Variants in FGF14 observed in about 807,000 individuals in gnomAD.
The protein encoded by FGF14 is fibroblast growth factor 14, also known as fibroblast growth factor homologous factor 4.
In FGF14, 5 loss-of-function variants were observed where a neutral mutation model predicts 25.5. The ratio of observed to expected loss-of-function variants is 0.20; its 90% CI spans 0.10 to 0.41. The LOEUF (loss-of-function observed/expected upper bound fraction) is 0.41. FGF14 is among the 10% of genes least tolerant of loss of function. The pLI is 1.00. For missense variants in FGF14, 222 were observed against 320.1 expected (o/e 0.69, Z 2.34); for synonymous variants, 138 against 118.3 (o/e 1.17, Z -1.08).
intron 3 of FGF14, among the ~76,000 whole-genome samples, chr13:101,790,908 C>T (rs758764711): frequency 4.6e-5 from 7 of 152,106 alleles, no homozygotes; most frequent in Admixed American, 2.0e-4. Context: ...CCAACTATAA[C>T]GTGAATTTGG....
At chr13:102,040,016 G>T (rs543679062) in intron 1 of FGF14, among the ~76,000 whole-genome samples, 1 of 152,132 alleles carries the variant, frequency 6.6e-6, no homozygotes, top group South Asian at 2.1e-4. Context: ...ACGTTCCAGG[G>T]CTCTAAAAGT....
At chr13:101,963,809 CAG>C (rs1436730808) in intron 1 of FGF14, among the ~76,000 whole-genome samples, 2 of 152,108 alleles carry the variant, frequency 1.3e-5, no homozygotes, top group Non-Finnish European at 2.9e-5. Flanking sequence ...ATGGGAGATA[CAG>C]AGACATTTCC....
At chr13:102,287,909 T>C (rs1333638989) in intron 1 of FGF14, among the ~76,000 whole-genome samples, 1 of 152,192 alleles carries the variant, frequency 6.6e-6, no homozygotes, top group Non-Finnish European at 1.5e-5. Context: ...TGGCACACAG[T>C]AGGCATTCAG....
intron 1 of FGF14, among the ~76,000 whole-genome samples, chr13:102,249,539 T>C (rs748972377): frequency 3.6e-5 from 5 of 137,892 alleles, no homozygotes; most frequent in Non-Finnish European, 6.3e-5. Context: ...TATGGTATGG[T>C]ACTGAGAGGG....
intron 1 of FGF14, among the ~76,000 whole-genome samples, chr13:102,154,128 A>G (rs113249005): frequency 6.6e-6 from 1 of 152,210 alleles, no homozygotes; most frequent in Non-Finnish European, 1.5e-5. Context: ...CCAATCTAGC[A>G]AGGCAGGCCA....
chr13:101,901,987 C>T (rs1192011475), intron 1 of FGF14, among the ~76,000 whole-genome samples: 1 of 152,098 alleles, frequency 6.6e-6, no homozygotes, highest in Non-Finnish European at 1.5e-5. Context: ...GATACCATCA[C>T]CACATCAAAG....
At chr13:101,876,555 C>A (rs979032805) in intron 1 of FGF14, among the ~76,000 whole-genome samples, 1 of 152,144 alleles carries the variant, frequency 6.6e-6, no homozygotes, top group African/African-American at 2.4e-5. Context: ...TGAGACGTGA[C>A]TCCATTGTAC....
chr13:101,967,737 A>G (rs2037306141), intron 1 of FGF14: 1 of 154,330 alleles, frequency 6.5e-6, no homozygotes, highest in African/African-American at 2.4e-5. Flanking sequence ...CAAATGCGTG[A>G]AAAGGGGGCA....
chr13:101,789,792 A>G (rs370685807), intron 3 of FGF14, among the ~76,000 whole-genome samples: 18 of 151,482 alleles, frequency 1.2e-4, no homozygotes, highest in Admixed American at 4.6e-4. Flanking sequence ...AAAAATTCCA[A>G]TAACATTTAT....
chr13:101,752,615 G>A (rs78386887), intron 3 of FGF14, among the ~76,000 whole-genome samples: 5,591 of 152,224 alleles, frequency 0.037, 275 homozygotes, highest in African/African-American at 0.11. Context: ...ATTGGCTTAC[G>A]CAGTGGAAAG....
intron 3 of FGF14, among the ~76,000 whole-genome samples, chr13:101,867,325 T>C (rs1054110212): frequency 8.6e-5 from 13 of 151,892 alleles, no homozygotes; most frequent in Admixed American, 2.6e-4. Flanking sequence ...AAAAAATAAA[T>C]AAATAAAAAG....
At chr13:101,969,370 T>C (rs1459932187) in intron 1 of FGF14, among the ~76,000 whole-genome samples, 1 of 152,144 alleles carries the variant, frequency 6.6e-6, no homozygotes, top group Non-Finnish European at 1.5e-5. Context: ...GAGACCATCC[T>C]GGCTAACACG....
At chr13:102,090,528 A>T (rs2044118151) in intron 1 of FGF14, among the ~76,000 whole-genome samples, 1 of 152,176 alleles carries the variant, frequency 6.6e-6, no homozygotes, top group South Asian at 2.1e-4. Context: ...TAGAAGCTCG[A>T]CCACTGGTAA....
intron 1 of FGF14, among the ~76,000 whole-genome samples, chr13:102,391,739 T>C (rs1187645994): frequency 1.3e-5 from 2 of 152,220 alleles, no homozygotes; most frequent in Non-Finnish European, 2.9e-5. Flanking sequence ...AAAGAGCATA[T>C]TGTGTTACTG....
intron 1 of FGF14, among the ~76,000 whole-genome samples, chr13:101,943,953 A>G (rs2035633999): frequency 6.7e-6 from 1 of 148,856 alleles, no homozygotes; most frequent in Admixed American, 6.7e-5. Context: ...GTGAGCCGAG[A>G]TAGCACCATT....
At chr13:102,094,871 G>A (rs2044320449) in intron 1 of FGF14, among the ~76,000 whole-genome samples, 1 of 152,026 alleles carries the variant, frequency 6.6e-6, no homozygotes, top group Non-Finnish European at 1.5e-5. Context: ...GTTCAACAAT[G>A]AACACATTGA....
chr13:101,972,205 G>A (rs918716154), intron 1 of FGF14, among the ~76,000 whole-genome samples: 2 of 152,206 alleles, frequency 1.3e-5, no homozygotes, highest in Admixed American at 6.5e-5. Flanking sequence ...GTGCTTTAGT[G>A]AGGACAGCAC....
intron 1 of FGF14, among the ~76,000 whole-genome samples, chr13:102,137,557 A>G (rs1047154431): frequency 6.6e-6 from 1 of 152,166 alleles, no homozygotes; most frequent in African/African-American, 2.4e-5. Context: ...GTGCAACCCA[A>G]GGAACTTGTT....
At chr13:102,095,370 T>G (rs1053540149) in intron 1 of FGF14, among the ~76,000 whole-genome samples, 1 of 152,112 alleles carries the variant, frequency 6.6e-6, no homozygotes, top group Non-Finnish European at 1.5e-5. Flanking sequence ...AGGGTTCCAA[T>G]TATCCGAGAT....
Sources: gnomAD v4.1 joint callset for allele counts (sites outside exome capture counted in the v4.1 genomes callset) on GRCh38, gnomAD v4.1.1 for gene constraint, MANE v1.5 for transcripts, NCBI Gene and HGNC (gene_info 2026-07-23, HGNC 2026-07-21) for gene names.